Variants in NKAIN3 observed in about 807,000 individuals in gnomAD.
NKAIN3 encodes the protein sodium/potassium-transporting ATPase subunit beta-1-interacting protein 3.
NKAIN3 carries 25 observed loss-of-function variants against 30.2 expected under a neutral mutation model. The observed-to-expected ratio is 0.83, with a 90% CI of 0.60 to 1.16. The LOEUF (loss-of-function observed/expected upper bound fraction) is 1.16, where lower values mean the gene tolerates loss of function less well. Among genes scored for constraint, NKAIN3 ranks in the 50% most tolerant of loss-of-function variants. NKAIN3 has a pLI of 0.00. For missense variants in NKAIN3, 225 were observed against 254.1 expected (o/e 0.89, Z 0.78); for synonymous variants, 91 against 89.6 (o/e 1.02, Z -0.09).
At chr8:62,746,052 T>C (rs1816058752) in intron 3 of NKAIN3, among the ~76,000 whole-genome samples, 1 of 152,228 alleles carries the variant, frequency 6.6e-6, no homozygotes, top group African/African-American at 2.4e-5. Context: ...AAATTTATTC[T>C]CTCACTGTTC....
rs570423970 is a variant in NKAIN3 at position 62,535,241 on chromosome 8, C to T, written c.55-44298C>T. Among the ~76,000 whole-genome samples the T allele has an allele frequency of 6.6e-5, 10 of 152,208 alleles. No homozygotes were observed. In the East Asian group the frequency reaches 7.7e-4, roughly 12 times the overall value. On this transcript the variant is annotated intron_variant, in intron 1 of 6. Coordinates refer to ENST00000623646, the MANE Select transcript of NKAIN3 (RefSeq NM_001304533.3). ...GTTATGCTCATATTCATGTTATGTT[C>T]GGAAAACTCTCTCTGTGTTTTCTAT...
chr8:62,998,989 A>G (rs1335584287), intron 5 of NKAIN3, among the ~76,000 whole-genome samples: 1 of 152,218 alleles, frequency 6.6e-6, no homozygotes, highest in Admixed American at 6.5e-5. Context: ...GCAGTTTTTC[A>G]TGAACCTGTT....
At chr8:62,300,474 TAA>T (rs1303271885) in intron 1 of NKAIN3, among the ~76,000 whole-genome samples, 1 of 152,060 alleles carries the variant, frequency 6.6e-6, no homozygotes, top group Non-Finnish European at 1.5e-5. Context: ...TTTCTAAATA[TAA>T]AAAGTAAAAA....
chr8:62,773,731 C>G lies in NKAIN3; in HGVS notation c.471+26602C>G, dbSNP rs182368917. Among the ~76,000 whole-genome samples the G allele has an allele frequency of 2.5e-3, 374 of 152,210 alleles. 1 individual carries two copies. The highest frequency in any genetic ancestry group is 7.8e-3 in the African/African-American group (325 of 41,548). ...CTTGCCTGCCACCATATAAGACATG[C>G]CTTTGCTCCTCACTCACCTTCCACC... On this transcript the variant is annotated intron_variant, in intron 4 of 6. Transcript: ENST00000623646.
chr8:62,874,000 G>A (rs1466361325), intron 4 of NKAIN3, among the ~76,000 whole-genome samples: 1 of 151,042 alleles, frequency 6.6e-6, no homozygotes, highest in Non-Finnish European at 1.5e-5. Context: ...AGAATTGAAG[G>A]AGATAGAGAC....
At chr8:62,361,297 A>T (rs976369213) in intron 1 of NKAIN3, among the ~76,000 whole-genome samples, 2 of 152,230 alleles carry the variant, frequency 1.3e-5, no homozygotes, top group Non-Finnish European at 2.9e-5. Context: ...ATGTTTATGG[A>T]TGATTTGTTT....
chr8:62,671,382 C>G (rs1338951353), intron 3 of NKAIN3, among the ~76,000 whole-genome samples: 1 of 152,108 alleles, frequency 6.6e-6, no homozygotes, highest in Non-Finnish European at 1.5e-5. Flanking sequence ...ATTGTATTGA[C>G]TTGAGAATAG....
chr8:62,733,768 G>T (rs1276777511), intron 3 of NKAIN3, among the ~76,000 whole-genome samples: 2 of 152,018 alleles, frequency 1.3e-5, no homozygotes, highest in African/African-American at 4.8e-5. Context: ...GGCCTTTCAT[G>T]TTTTCTGAAT....
At chr8:62,911,913 A>T (rs1821935248) in intron 4 of NKAIN3, among the ~76,000 whole-genome samples, 1 of 152,164 alleles carries the variant, frequency 6.6e-6, no homozygotes, top group Non-Finnish European at 1.5e-5. Flanking sequence ...AGCTTGTAAC[A>T]ATATCTGACT....
intron 4 of NKAIN3, among the ~76,000 whole-genome samples, chr8:62,756,551 G>C (rs1174777692): frequency 6.6e-6 from 1 of 152,078 alleles, no homozygotes; most frequent in African/African-American, 2.4e-5. Context: ...AATTCTGAGA[G>C]GAATTTAGGC....
chr8:62,458,407 A>G (rs1805887243), intron 1 of NKAIN3, among the ~76,000 whole-genome samples: 1 of 152,222 alleles, frequency 6.6e-6, no homozygotes, highest in Non-Finnish European at 1.5e-5. Context: ...CTATTTGTCC[A>G]TGGGAACCAG....
intron 3 of NKAIN3, among the ~76,000 whole-genome samples, chr8:62,686,377 A>G (rs1421785583): frequency 2.6e-5 from 4 of 151,810 alleles, no homozygotes; most frequent in South Asian, 2.1e-4. Flanking sequence ...CATTTTCCCA[A>G]TTTATTCTCT....
intron 1 of NKAIN3, among the ~76,000 whole-genome samples, chr8:62,296,590 C>A (rs930875569): frequency 6.6e-6 from 1 of 151,932 alleles, no homozygotes; most frequent in Non-Finnish European, 1.5e-5. Flanking sequence ...TTCAACAGGG[C>A]AAGAAAAGAC....
chr8:62,396,656 TTTAGC>T (rs1261833044), intron 1 of NKAIN3, among the ~76,000 whole-genome samples: 3 of 152,194 alleles, frequency 2.0e-5, no homozygotes, highest in Non-Finnish European at 4.4e-5. Context: ...ACCTGATAAT[TTTAGC>T]CCTACTTACC....
At chr8:62,717,691 C>T (rs1814951707) in intron 3 of NKAIN3, among the ~76,000 whole-genome samples, 1 of 152,152 alleles carries the variant, frequency 6.6e-6, no homozygotes, top group South Asian at 2.1e-4. Context: ...TTCAGTATGA[C>T]TATAGAAAAT....
At chr8:62,684,702 G>C (rs72651580) in intron 3 of NKAIN3, among the ~76,000 whole-genome samples, 201 of 152,328 alleles carry the variant, frequency 1.3e-3, no homozygotes, top group Middle Eastern at 3.4e-3. Context: ...GAATTTGACT[G>C]TATTTAGAGA....
At chr8:62,291,188 A>C (rs180933117) in intron 1 of NKAIN3, among the ~76,000 whole-genome samples, 105 of 152,274 alleles carry the variant, frequency 6.9e-4, no homozygotes, top group Middle Eastern at 3.4e-3. Context: ...TCAAAAAACC[A>C]GCTCCTGGAT....
chr8:62,778,092 G>A (rs551657100), intron 4 of NKAIN3, among the ~76,000 whole-genome samples: 10 of 152,182 alleles, frequency 6.6e-5, no homozygotes, highest in African/African-American at 2.2e-4. Context: ...GGAGCTGGGG[G>A]AGGAGTAACA....
intron 5 of NKAIN3, among the ~76,000 whole-genome samples, chr8:62,933,515 C>A (rs1585592446): frequency 1.3e-5 from 2 of 152,256 alleles, no homozygotes; most frequent in Middle Eastern, 6.8e-3. Flanking sequence ...TTTAGGCAAA[C>A]TCTCAGGATT....
Sources: allele counts gnomAD v4.1 joint callset (sites outside exome capture counted in the v4.1 genomes callset), GRCh38; gene constraint gnomAD v4.1.1; transcripts MANE v1.5; gene names NCBI Gene and HGNC (gene_info 2026-07-23, HGNC 2026-07-21).